The following ISM1 variants were observed in gnomAD, a reference collection of about 807,000 sequenced individuals.
ISM1 encodes isthmin-1.
A neutral mutation model predicts 46.3 loss-of-function variants in ISM1; 25 were observed. The observed-to-expected ratio is 0.54, with a 90% CI of 0.39 to 0.75. The LOEUF is 0.75. ISM1 is among the 30% of genes least tolerant of loss of function. The pLI is 0.00. For synonymous variants in ISM1, 255 were observed against 256.7 expected (o/e 0.99, Z 0.06); for missense variants, 536 against 625.4 (o/e 0.86, Z 1.52).
Position 13,299,482 on chromosome 20 carries a change from A to T in ISM1, c.*23A>T, listed in dbSNP as rs369889534. The stretch of plus-strand genomic sequence containing the variant: ...TAAAGAGACTGGGATGAGGTGGAGG[A>T]CGCTGCCTCTGGTTCTGGAGCACAC... On this transcript the variant is annotated 3_prime_UTR_variant, in exon 6 of 6. Transcript: ENST00000262487. The surrounding 1 kb of genome is among the most constrained non-coding windows in gnomAD (Gnocchi z 5.8). 1.9e-6 allele frequency: 3 copies of T among 1,574,498 alleles called. No individual in the cohort carries two copies. The African/African-American group carries it at 4.0e-5, about 21-fold the overall frequency.
intron 1 of ISM1, among the ~76,000 whole-genome samples, chr20:13,227,129 T>G (rs2039534719): frequency 6.6e-6 from 1 of 152,228 alleles, no homozygotes; most frequent in South Asian, 2.1e-4. Context: ...TCTTTCTTCC[T>G]TTTAGAATTT....
intron 1 of ISM1, among the ~76,000 whole-genome samples, chr20:13,253,511 C>T (rs796165010): frequency 3.3e-4 from 50 of 152,228 alleles, no homozygotes; most frequent in African/African-American, 1.1e-3. Context: ...AGCTCCTTAC[C>T]GACTATCAGC....
chr20:13,268,379 TC>T (rs1218020838), intron 1 of ISM1, among the ~76,000 whole-genome samples: 4 of 133,690 alleles, frequency 3.0e-5, no homozygotes, highest in Non-Finnish European at 5.0e-5. Flanking sequence ...TCTCTCTCTC[TC>T]TCTCTCTCTC....
At chr20:13,241,000 C>T (rs2039715240) in intron 1 of ISM1, among the ~76,000 whole-genome samples, 1 of 152,052 alleles carries the variant, frequency 6.6e-6, no homozygotes, top group Admixed American at 6.6e-5. Context: ...AGTGAGGTGT[C>T]ATGATGAAAG....
rs185866750 is a variant in ISM1 at position 13,221,524 on chromosome 20, C to A, written c.-253C>A. On this transcript the variant is annotated 5_prime_UTR_variant, in exon 1 of 6. Coordinates refer to ENST00000262487, the MANE Select transcript of ISM1 (RefSeq NM_080826.2). ...CTTGCTCCGCAGCCGGCTTGGACAC[C>A]CCCGGCCTCGCGGTGGCTCCGCCGT... Among the ~76,000 whole-genome samples the A allele has an allele frequency of 0.048, 6,893 of 144,226 alleles. 424 individuals are homozygous for A. Among genetic ancestry groups the A allele is most frequent in the East Asian group, 0.19 (911 of 4,728 alleles). The allele number at this position is 144,226 out of a possible 152,430, so 94.6% of individuals were successfully genotyped here. A position where few individuals can be genotyped will look rare whatever the true frequency, so the allele number is the denominator to read the frequency against.
At chr20:13,263,965 TTTTTG>T (rs200522588) in intron 1 of ISM1, among the ~76,000 whole-genome samples, 1 of 150,224 alleles carries the variant, frequency 6.7e-6, no homozygotes, top group South Asian at 2.1e-4. Flanking sequence ...TCCTAGGGTT[TTTTTG>T]TTTTTCTTTA....
At chr20:13,267,888 A>G (rs2040060575) in intron 1 of ISM1, among the ~76,000 whole-genome samples, 1 of 152,194 alleles carries the variant, frequency 6.6e-6, no homozygotes, top group Admixed American at 6.5e-5. Context: ...TACTAAAGCA[A>G]TTGGGAAGCA....
At chr20:13,304,418 G>A (rs769163568), downstream of ISM1, among the ~76,000 whole-genome samples, 1 of 152,134 alleles carries the variant, frequency 6.6e-6, no homozygotes, top group Non-Finnish European at 1.5e-5. Flanking sequence ...TGCTAAGCTG[G>A]ACCCCATTTT....
intron 1 of ISM1, among the ~76,000 whole-genome samples, chr20:13,260,527 A>G (rs2039977439): frequency 6.6e-6 from 1 of 152,158 alleles, no homozygotes; most frequent in Non-Finnish European, 1.5e-5. Flanking sequence ...CATTTCATGC[A>G]TTTGTGAACC....
downstream of ISM1, among the ~76,000 whole-genome samples, chr20:13,302,104 A>T (rs999885468): frequency 6.6e-6 from 1 of 152,244 alleles, no homozygotes; most frequent in Non-Finnish European, 1.5e-5. Context: ...TTATGGAGCC[A>T]TGTCTAAGGT....
chr20:13,259,647 T>C (rs1360643191), intron 1 of ISM1, among the ~76,000 whole-genome samples: 3 of 152,240 alleles, frequency 2.0e-5, no homozygotes, highest in Non-Finnish European at 2.9e-5. Flanking sequence ...ATTAATGTCC[T>C]GTAGAGCCAT....
chr20:13,306,564 CAAA>C, the ISM1 span, among the ~76,000 whole-genome samples: 3,632 of 64,000 alleles, frequency 0.057, 36 homozygotes, highest in Admixed American at 0.09. Context: ...GGAGAAAGGA[CAAA>C]AAAAAAAAAA....
the ISM1 span, among the ~76,000 whole-genome samples, chr20:13,324,061 G>A: frequency 5.3e-3 from 812 of 152,216 alleles, 10 homozygotes; most frequent in African/African-American, 0.017. Context: ...ATTATAAGTC[G>A]AGAAGTATTT....
At chr20:13,302,625 T>G (rs2040468628), downstream of ISM1, among the ~76,000 whole-genome samples, 1 of 152,156 alleles carries the variant, frequency 6.6e-6, no homozygotes, top group African/African-American at 2.4e-5. Context: ...CCACAGAAAA[T>G]TCTGTGGAAT....
rs1206197750 is a variant in ISM1, at chr20:13,221,474, C to T, written c.-303C>T. Among the ~76,000 whole-genome samples, 6 of 145,714 alleles carry T rather than the reference C, an allele frequency of 4.1e-5. No homozygotes were observed. The highest frequency in any genetic ancestry group is 3.1e-5 in the Non-Finnish European group (2 of 65,554). On this transcript the variant is annotated 5_prime_UTR_variant, in exon 1 of 6. Coordinates refer to ENST00000262487, the MANE Select transcript of ISM1 (RefSeq NM_080826.2). Reference sequence around the variant, plus strand: ...CGGGACCCAGTCTCCGTCTCCGCCGCCGCCGCCGCCAGGCAGCGCCGGGGC... The same window carrying T: ...CGGGACCCAGTCTCCGTCTCCGCCGTCGCCGCCGCCAGGCAGCGCCGGGGC...
chr20:13,305,833 C>G, the ISM1 span, among the ~76,000 whole-genome samples: 13 of 152,112 alleles, frequency 8.5e-5, no homozygotes, highest in African/African-American at 2.9e-4. Context: ...AAATGCATAC[C>G]TTTTTTCTTT....
chr20:13,258,821 C>T (rs1323654318), intron 1 of ISM1, among the ~76,000 whole-genome samples: 1 of 152,136 alleles, frequency 6.6e-6, no homozygotes, highest in East Asian at 1.9e-4. Context: ...AGGACCCTCA[C>T]AGGAGGACAA....
chr20:13,313,250 C>A, the ISM1 span, among the ~76,000 whole-genome samples: 2 of 152,196 alleles, frequency 1.3e-5, no homozygotes, highest in Non-Finnish European at 2.9e-5. Flanking sequence ...AATTTCCCCC[C>A]ACACGCACCT....
chr20:13,238,004 C>T (rs2039672059), intron 1 of ISM1: 2 of 152,202 alleles, frequency 1.3e-5, no homozygotes, highest in Admixed American at 6.5e-5. Flanking sequence ...TACTGCTTGA[C>T]TTCATTCCCC....
Sources: allele counts gnomAD v4.1 joint callset (sites outside exome capture counted in the v4.1 genomes callset), GRCh38; gene constraint gnomAD v4.1.1; non-coding constraint Gnocchi (gnomAD v3.1); transcripts MANE v1.5; gene names NCBI Gene and HGNC (gene_info 2026-07-23, HGNC 2026-07-21).